Variants in VWDE observed in about 807,000 individuals in gnomAD.
The protein encoded by VWDE is von Willebrand factor D and EGF domains, also known as von Willebrand factor D and EGF domain-containing protein.
In VWDE, 207 loss-of-function variants were observed where a neutral mutation model predicts 178.4. The observed-to-expected ratio is 1.16, with a 90% CI of 1.04 to 1.30. The LOEUF is 1.30. Ranked by LOEUF, VWDE falls within the 50% of genes most tolerant of loss-of-function variation. The pLI is 0.00. For synonymous variants in VWDE, 738 were observed against 651.4 expected, an observed-to-expected ratio of 1.13 and a Z score of -2.02; for missense variants, 2,287 against 1,901.3, an observed-to-expected ratio of 1.20 and a Z score of -3.77.
chr7:12,369,714 C>G lies in VWDE; in HGVS notation c.2592G>C (p.Lys864Asn), dbSNP rs1329115476. 3.2e-6 allele frequency: 5 copies of G among 1,551,606 alleles called. No homozygotes were observed. Among genetic ancestry groups the G allele is most frequent in the Non-Finnish European group, 4.4e-6 (5 of 1,146,856 alleles). The stretch of plus-strand genomic sequence containing the variant: ...TATATTTCCCCTCCTCCACAATCCT[C>G]TTTTCACATTCATTTTCTAAAAGGG... Reference protein sequence around the residue: ...GVALLENECEKRIVEEGKYNT... With the variant: ...GVALLENECENRIVEEGKYNT... The change falls in exon 12 of 29, where the codon AAG becomes AAC. Residue 864 changes from lysine to asparagine, a missense_variant. Coordinates refer to ENST00000275358, the MANE Select transcript of VWDE (RefSeq NM_001135924.3).
chr7:12,376,236 C>T (rs1783521012), intron 7 of VWDE, among the ~76,000 whole-genome samples: 2 of 152,114 alleles, frequency 1.3e-5, no homozygotes, highest in South Asian at 4.1e-4. Flanking sequence ...CAAGCCAATA[C>T]ATGAGGGGTT....
intron 10 of VWDE, among the ~76,000 whole-genome samples, chr7:12,372,546 A>C (rs1274837751): frequency 1.3e-5 from 2 of 152,104 alleles, no homozygotes; most frequent in Non-Finnish European, 2.9e-5. Context: ...AAGGAAAAAG[A>C]ATTAAAAATA....
At chr7:12,360,412 T>A (rs907968652) in intron 15 of VWDE, among the ~76,000 whole-genome samples, 1 of 152,222 alleles carries the variant, frequency 6.6e-6, no homozygotes, top group African/African-American at 2.4e-5. Flanking sequence ...TATATGGAAA[T>A]GGAATATTTG....
At chr7:12,392,564 A>G (rs1784433605) in intron 2 of VWDE, among the ~76,000 whole-genome samples, 1 of 152,180 alleles carries the variant, frequency 6.6e-6, no homozygotes, top group African/African-American at 2.4e-5. Flanking sequence ...GGATAAGTAG[A>G]ATTGTCAATA....
chr7:12,331,361 AG>A (rs1780711341), intron 28 of VWDE, among the ~76,000 whole-genome samples, 164 bp from the exon 29 acceptor site: 1 of 152,148 alleles, frequency 6.6e-6, no homozygotes, highest in Non-Finnish European at 1.5e-5. Context: ...AATCAAATCA[AG>A]ATCATACTTA....
At chr7:12,358,934 T>A (rs963631138) in intron 16 of VWDE, among the ~76,000 whole-genome samples, 1 of 152,232 alleles carries the variant, frequency 6.6e-6, no homozygotes, top group African/African-American at 2.4e-5. Context: ...CATACAATTA[T>A]AATGATATTA....
intron 13 of VWDE, among the ~76,000 whole-genome samples, chr7:12,364,915 C>T (rs1439161668): frequency 3.3e-5 from 5 of 151,928 alleles, no homozygotes; most frequent in Non-Finnish European, 7.4e-5. Flanking sequence ...TTACATTGCC[C>T]GTGATTAGAT....
chr7:12,395,845 C>T (rs977683077), intron 1 of VWDE, among the ~76,000 whole-genome samples: 4 of 151,998 alleles, frequency 2.6e-5, no homozygotes, highest in African/African-American at 9.7e-5. Context: ...ATGGCTTGGG[C>T]TCTCATTTGA....
At position 12,380,531 on chromosome 7, in the gene VWDE, G is replaced by A. The variant is rs975014427; in HGVS notation, c.744C>T (p.Phe248=). 35 of 1,551,814 alleles carry A rather than the reference G, an allele frequency of 2.3e-5. No individual in the cohort carries two copies. Among genetic ancestry groups the A allele is most frequent in the Non-Finnish European group, 3.1e-5 (35 of 1,147,064 alleles). Residue 248 remains phenylalanine (F), a synonymous_variant, in exon 5 of 29, where the codon TTC becomes TTT. Transcript: ENST00000275358. ...ELTQETTVQA[F]SLLELDGINL... ...TTATGCCATCAAGTTCTAAAAGAGA[G>A]AATGCCTGAACTGTGGTCTCTTGTG...
chr7:12,374,871 C>T (rs1229095663), intron 8 of VWDE, 109 bp from the exon 9 acceptor site: 18 of 1,148,616 alleles, frequency 1.6e-5, no homozygotes, highest in Non-Finnish European at 2.2e-5. Flanking sequence ...TTGTTTTTAT[C>T]ATAGTTATTG....
rs148970856 is a variant in VWDE at position 12,382,333 on chromosome 7, T to G, written c.541+1203A>C. ...TATGCAGAGTAGTCAAATAATTACA[T>G]TTTATGTTTACTGCTGCTATTATGA... On this transcript the variant is annotated intron_variant, in intron 4 of 28. Transcript: ENST00000275358. 7.1e-3 allele frequency among the ~76,000 whole-genome samples: 1,080 copies of G among 151,960 alleles called. 13 individuals are homozygous for G. The highest frequency in any genetic ancestry group is 0.024 in the African/African-American group (994 of 41,546).
intron 21 of VWDE, among the ~76,000 whole-genome samples, chr7:12,343,819 T>A (rs911703196): frequency 1.3e-5 from 2 of 152,196 alleles, no homozygotes; most frequent in Admixed American, 1.3e-4. Flanking sequence ...TACTTTACAT[T>A]TTCTAGTTAT....
At position 12,369,621 on chromosome 7, in the gene VWDE, G is replaced by C; in HGVS notation, c.2685C>G (p.Ser895Arg). The C allele has an allele frequency of 6.4e-7, 1 of 1,551,406 alleles. No homozygotes were observed. The highest frequency in any genetic ancestry group is 8.7e-7 in the Non-Finnish European group (1 of 1,146,802). Residue 895 changes from serine to arginine, a missense_variant, in exon 12 of 29, where the codon AGC becomes AGG. Ser to Arg is a moderately radical substitution (Grantham distance 110). Transcript: ENST00000275358. ...CCCATTCCATGCACTGCCCATTGCC[G>C]CTGCATAAATTGGGGCATTTTAATA... ...LSVLKCPNLC[S>R]GNGQCMEWGC...
rs145303180 is a variant in VWDE at position 12,356,181 on chromosome 7, G to T, written c.3675C>A (p.Asn1225Lys). 1 of 1,551,440 alleles carries T rather than the reference G, an allele frequency of 6.4e-7. No homozygotes were observed. The highest frequency in any genetic ancestry group is 1.2e-5 in the South Asian group (1 of 84,056). ...TAATATAGCTGCCAAGACCACAAGG[G>T]TTGGATTGGCACCCACTAATGTCCA... ...CEVDISGCQS[N>K]PCGLGSYISG... is the part of the protein sequence containing the mutation. The change falls in exon 18 of 29, where the codon AAC becomes AAA. Residue 1225 changes from asparagine (N) to lysine (K), a missense_variant. Coordinates refer to ENST00000275358, the MANE Select transcript of VWDE (RefSeq NM_001135924.3).
intron 19 of VWDE, among the ~76,000 whole-genome samples, chr7:12,350,609 G>A (rs1781875377): frequency 6.6e-6 from 1 of 151,990 alleles, no homozygotes; most frequent in Non-Finnish European, 1.5e-5. Flanking sequence ...TGTACTAGAG[G>A]TACACTACAC....
chr7:12,342,050 C>T lies in VWDE; in HGVS notation c.4270+9G>A. 1 of 1,545,386 alleles carries T rather than the reference C, an allele frequency of 6.5e-7. No individual in the cohort carries two copies. The highest frequency in any genetic ancestry group is 8.8e-7 in the Non-Finnish European group (1 of 1,142,190). Reference sequence around the variant, plus strand: ...TTGACATGTTCATTGAAAATATTTCCAATTTTACCTGTACTACAGGTGGGT... The same window carrying T: ...TTGACATGTTCATTGAAAATATTTCTAATTTTACCTGTACTACAGGTGGGT... On this transcript the variant is annotated intron_variant, in intron 23 of 28. Transcript: ENST00000275358.
Position 12,336,895 on chromosome 7 carries a change from C to A in VWDE, c.4558+93G>T. ...ATGCAAAAATTTTAAAAAGACCAAG[C>A]AAACAAAAGTGAAAAAAATGCTCTG... is the stretch of plus-strand genomic sequence containing the variant. On this transcript the variant is annotated intron_variant, in intron 26 of 28. Transcript: ENST00000275358. 4 of 1,241,118 alleles carry A rather than the reference C, an allele frequency of 3.2e-6. No homozygotes were observed. In the South Asian group the frequency reaches 6.7e-5, roughly 21 times the overall value. 76.9% of individuals were successfully genotyped at this position (1,241,118 alleles called of 1,614,324 possible).
chr7:12,403,737 C>A lies in VWDE; in HGVS notation c.-21G>T, dbSNP rs1785029070. ...GGCATCGCTGCTTCCGCAGGTGGGG[C>A]GAAAGGCGTCGCAGAGCCCGGGCCG... On this transcript the variant is annotated 5_prime_UTR_variant, in exon 1 of 29. Transcript: ENST00000275358. 1.9e-6 allele frequency: 3 copies of A among 1,549,944 alleles called. No individual in the cohort carries two copies. Among genetic ancestry groups the A allele is most frequent in the Non-Finnish European group, 2.6e-6 (3 of 1,146,190 alleles).
At chr7:12,401,749 A>G (rs979230114) in intron 1 of VWDE, among the ~76,000 whole-genome samples, 18 of 152,176 alleles carry the variant, frequency 1.2e-4, no homozygotes, top group Admixed American at 9.8e-4. Context: ...TTAAGTAGTT[A>G]ATCACAGAGT....
Sources: gnomAD v4.1 joint callset for allele counts (sites outside exome capture counted in the v4.1 genomes callset) on GRCh38, gnomAD v4.1.1 for gene constraint, MANE v1.5 for transcripts, NCBI Gene and HGNC (gene_info 2026-07-23, HGNC 2026-07-21) for gene names.